DYNC2H1: variants seen among roughly 807,000 people sequenced by gnomAD.
DYNC2H1 encodes the protein dynein cytoplasmic 2 heavy chain 1.
Under a neutral mutation model 570.0 loss-of-function variants are expected in DYNC2H1, and 410 were observed. The ratio of observed to expected loss-of-function variants is 0.72; its 90% CI spans 0.66 to 0.78. The LOEUF (loss-of-function observed/expected upper bound fraction) is 0.78. DYNC2H1 is among the 30% of genes least tolerant of loss of function. DYNC2H1 has a pLI of 0.00. For synonymous variants in DYNC2H1, 1,688 were observed against 1,677.6 expected, an observed-to-expected ratio of 1.01 and a Z score of -0.15; for missense variants, 4,865 against 5,046.4, an observed-to-expected ratio of 0.96 and a Z score of 1.09.
intron 82 of DYNC2H1, among the ~76,000 whole-genome samples, chr11:103,338,099 C>T (rs1282123044): frequency 1.3e-5 from 2 of 152,128 alleles, no homozygotes; most frequent in East Asian, 1.9e-4. Flanking sequence ...TAAGGTTATC[C>T]AGTTTTCCCA....
chr11:103,431,389 G>C (rs1345945827), intron 84 of DYNC2H1, among the ~76,000 whole-genome samples: 1 of 151,988 alleles, frequency 6.6e-6, no homozygotes, highest in Non-Finnish European at 1.5e-5. Flanking sequence ...CAGTATTGGT[G>C]CTGATATGGA....
intron 83 of DYNC2H1, among the ~76,000 whole-genome samples, chr11:103,388,679 A>G (rs1273797658): frequency 1.4e-5 from 2 of 147,550 alleles, no homozygotes; most frequent in African/African-American, 2.5e-5. Flanking sequence ...TGTCCCATCA[A>G]TACCTAATTT....
chr11:103,147,883 A>T lies in DYNC2H1; in HGVS notation c.2814A>T (p.Ile938=). ...DLLVLSLKKS[I]QAHLHEIDTF... ...TTGTTCTTTCTTTGAAGAAGTCCATACAGGGTAAATACACATTTTAATTTT... is the reference window on the plus strand; with the variant it reads ...TTGTTCTTTCTTTGAAGAAGTCCATTCAGGGTAAATACACATTTTAATTTT... Residue 938 remains isoleucine (I), a synonymous_variant, in exon 19 of 89, where the codon ATA becomes ATT. Coordinates refer to ENST00000375735, the MANE Select transcript of DYNC2H1 (RefSeq NM_001377.3). The T allele has an allele frequency of 6.3e-7, 1 of 1,592,934 alleles. No homozygotes were observed. Among genetic ancestry groups the T allele is most frequent in the Non-Finnish European group, 8.6e-7 (1 of 1,163,246 alleles).
chr11:103,316,756 G>T, intron 80 of DYNC2H1, 136 bp downstream of exon 80: 1 of 592,202 alleles, frequency 1.7e-6, no homozygotes. Context: ...TTTTTTATTT[G>T]ACTTCTATAC....
intron 29 of DYNC2H1, 23 bp downstream of exon 29, chr11:103,161,067 T>A (rs376901588): frequency 1.6e-6 from 2 of 1,277,850 alleles, no homozygotes; most frequent in Admixed American, 3.1e-5. Context: ...TTTTCAAATA[T>A]GAAAACAAAA....
In DYNC2H1 at chr11:103,203,548, T is replaced by C. The variant is rs1862799255; in HGVS notation, c.8198-115T>C. 1.5e-6 allele frequency: 1 copy of C among 649,964 alleles called. No homozygotes were observed. 40.3% of individuals were successfully genotyped at this position (649,964 alleles called of 1,614,324 possible). A position where few individuals can be genotyped will look rare whatever the true frequency, so the allele number is the denominator to read the frequency against. On this transcript the variant is annotated intron_variant, in intron 50 of 88. Coordinates refer to ENST00000375735, the MANE Select transcript of DYNC2H1 (RefSeq NM_001377.3). The surrounding 1 kb of genome is among the most constrained non-coding windows in gnomAD (Gnocchi z 4.7). The stretch of plus-strand genomic sequence containing the variant: ...AGATTTGTGAGTCAAGTAGAGGTAA[T>C]AAAGTTTGTATATTTTTGGAAATAA...
At position 103,245,238 on chromosome 11, in the gene DYNC2H1, T is replaced by C; in HGVS notation, c.9919-13T>C. 1 of 1,502,484 alleles carries C rather than the reference T, an allele frequency of 6.7e-7. No homozygotes were observed. The highest frequency in any genetic ancestry group is 8.9e-7 in the Non-Finnish European group (1 of 1,118,932). 93.1% of individuals were successfully genotyped at this position (1,502,484 alleles called of 1,614,324 possible). On this transcript the variant is annotated splice_polypyrimidine_tract_variant and intron_variant, in intron 64 of 88. Coordinates refer to ENST00000375735, the MANE Select transcript of DYNC2H1 (RefSeq NM_001377.3). The surrounding 1 kb of genome is among the most constrained non-coding windows in gnomAD (Gnocchi z 4.5). ...ATTAAATAATTAATACGTATTCTTT[T>C]TTATTCAATTAGGATAGTAACTTTA... is the stretch of plus-strand genomic sequence containing the variant.
intron 82 of DYNC2H1, among the ~76,000 whole-genome samples, chr11:103,342,306 G>A (rs752696331): frequency 3.3e-5 from 5 of 152,044 alleles, no homozygotes; most frequent in Non-Finnish European, 7.4e-5. Context: ...GGACCAATCA[G>A]CACCCTATAA....
At position 103,122,836 on chromosome 11, in the gene DYNC2H1, T is replaced by C. The variant is rs1201486648; in HGVS notation, c.1497T>C (p.Thr499=). The change falls in exon 11 of 89, where the codon ACT becomes ACC. Residue 499 remains threonine (T), a synonymous_variant. Transcript: ENST00000375735. The part of the protein sequence containing the change: ...VRQLELKVDD[T]IKIAEALLSD... ...TTTGGCTTTTTAAGGTAGATGATAC[T>C]ATCAAGATTGCAGAGGCTCTTTTAT... 1.9e-6 allele frequency: 3 copies of C among 1,612,890 alleles called. No individual in the cohort carries two copies. Among genetic ancestry groups the C allele is most frequent in the Non-Finnish European group, 1.7e-6 (2 of 1,179,372 alleles).
At chr11:103,290,181 C>CT (rs981744739) in intron 75 of DYNC2H1, among the ~76,000 whole-genome samples, 9 of 151,370 alleles carry the variant, frequency 5.9e-5, no homozygotes, top group South Asian at 2.1e-4. Context: ...TTCAACATAT[C>CT]TTTTTTTTTG....
intron 85 of DYNC2H1, among the ~76,000 whole-genome samples, chr11:103,450,079 G>A (rs1353680668): frequency 6.6e-6 from 1 of 152,012 alleles, no homozygotes; most frequent in African/African-American, 2.4e-5. Context: ...AGCAAAATAG[G>A]TGTCCCAGCA....
In DYNC2H1 at chr11:103,280,332, CTG is replaced by C; in HGVS notation, c.10696-14_10696-13del. ...AAATTTTTAAAAGGCAAGATAATAT[CTG>C]TTATTCTTTGCAGGCTGATCAGTTG... On this transcript the variant is annotated splice_polypyrimidine_tract_variant and intron_variant, in intron 70 of 88. Transcript: ENST00000375735. This position sits in a 1 kb window ranked among gnomAD's most constrained non-coding sequence, Gnocchi z 4.7. 6.4e-7 allele frequency: 1 copy of C among 1,551,876 alleles called. No homozygotes were observed. Among genetic ancestry groups the C allele is most frequent in the Admixed American group, 2.0e-5 (1 of 51,092 alleles).
intron 83 of DYNC2H1, among the ~76,000 whole-genome samples, chr11:103,399,148 T>TC (rs1942519983): frequency 2.2e-5 from 3 of 135,398 alleles, no homozygotes; most frequent in Admixed American, 1.4e-4. Context: ...GTTTTTTTTT[T>TC]GTTTTTTTTT....
At chr11:103,156,864 A>G (rs1860858443) in intron 26 of DYNC2H1, 94 bp downstream of exon 26, 1 of 1,433,188 alleles carries the variant, frequency 7.0e-7, no homozygotes, top group Non-Finnish European at 9.4e-7. Context: ...TTACTTTTAC[A>G]TGATTGGTAT....
rs146569005 is a variant in DYNC2H1 at position 103,189,698 on chromosome 11, C to T, written c.7319C>T (p.Thr2440Met). ...TACCCAGAAAGAGAGCAGTTACAAACGATTTATGGAGCATATTTGGAACCA... is the reference window on the plus strand; with the variant it reads ...TACCCAGAAAGAGAGCAGTTACAAATGATTTATGGAGCATATTTGGAACCA... ...IDYPEREQLQ[T>M]IYGAYLEPVL... Residue 2440 changes from threonine to methionine, a missense_variant, in exon 45 of 89, where the codon ACG (threonine) becomes ATG (methionine). Physicochemically the swap from Thr to Met is moderately conservative, Grantham distance 81. This residue lies in a region of DYNC2H1 where 2,401 missense variants were observed against 2,454.6 expected (regional missense o/e 0.98). Coordinates refer to ENST00000375735, the MANE Select transcript of DYNC2H1 (RefSeq NM_001377.3). This position sits in a 1 kb window ranked among gnomAD's most constrained non-coding sequence, Gnocchi z 4.3. 1,180 of 1,612,696 alleles carry T rather than the reference C, an allele frequency of 7.3e-4. 9 individuals are homozygous for T. In the African/African-American group the frequency reaches 0.014, roughly 19 times the overall value.
At chr11:103,236,746 A>G (rs1432891088) in intron 63 of DYNC2H1, among the ~76,000 whole-genome samples, 1 of 151,964 alleles carries the variant, frequency 6.6e-6, no homozygotes, top group African/African-American at 2.4e-5. Flanking sequence ...ATAAAAGTAT[A>G]AAGTGGCATT....
intron 62 of DYNC2H1, 29 bp downstream of exon 62, chr11:103,235,842 G>A (rs1379058069): frequency 6.2e-7 from 1 of 1,606,922 alleles, no homozygotes; most frequent in East Asian, 2.2e-5. Flanking sequence ...CTGATCTTGA[G>A]AGTTTGTATT....
rs1479253945 is a variant in DYNC2H1 at position 103,261,419 on chromosome 11, G to A, written c.10695+1442G>A. On this transcript the variant is annotated intron_variant, in intron 70 of 88. Transcript: ENST00000375735. This position sits in a 1 kb window ranked among gnomAD's most constrained non-coding sequence, Gnocchi z 4.8. ...CTGACTGGGAGACACCTCCCAGAAG[G>A]GGTCGACAGACATCTCATATAGGAG... is the stretch of plus-strand genomic sequence containing the variant. 6.6e-6 allele frequency among the ~76,000 whole-genome samples: 1 copy of A among 152,194 alleles called. No homozygotes were observed. The highest frequency in any genetic ancestry group is 2.4e-5 in the African/African-American group (1 of 41,438).
rs1237286016 is a variant in DYNC2H1 at position 103,243,716 on chromosome 11, A to C, written c.9843A>C (p.Ile3281=). 6.2e-7 allele frequency: 1 copy of C among 1,605,574 alleles called. No homozygotes were observed. The highest frequency in any genetic ancestry group is 1.7e-4 in the Middle Eastern group (1 of 6,006). ...AGAGTCGAGTGTGCCCATTTCTTATAGATCCTTCTTCCCAAGCTACAGAGT... is the reference window on the plus strand; with the variant it reads ...AGAGTCGAGTGTGCCCATTTCTTATCGATCCTTCTTCCCAAGCTACAGAGT... The part of the protein sequence containing the change: ...ILQSRVCPFL[I]DPSSQATEWL... The change falls in exon 64 of 89, where the codon ATA becomes ATC. Residue 3281 remains isoleucine (I), a synonymous_variant. Transcript: ENST00000375735. This position sits in a 1 kb window ranked among gnomAD's most constrained non-coding sequence, Gnocchi z 4.8.
Sources: gnomAD v4.1 joint callset for allele counts (sites outside exome capture counted in the v4.1 genomes callset) on GRCh38, gnomAD v4.1.1 for gene constraint, gnomAD v4.1.1 regional missense constraint, Gnocchi (gnomAD v3.1) non-coding constraint, MANE v1.5 for transcripts, NCBI Gene and HGNC (gene_info 2026-07-23, HGNC 2026-07-21) for gene names.